Variants in BICRAL observed in about 807,000 individuals in gnomAD.
BICRAL encodes the protein BICRA like chromatin remodeling complex associated protein.
In BICRAL, 8 loss-of-function variants were observed where a neutral mutation model predicts 91.8. The ratio of observed to expected loss-of-function variants is 0.09; its 90% CI spans 0.05 to 0.16. The LOEUF (loss-of-function observed/expected upper bound fraction) is 0.16. Among genes scored for constraint, BICRAL ranks in the 10% least tolerant of loss-of-function variants. BICRAL has a pLI of 1.00. For missense variants in BICRAL, 1,038 were observed against 1,310.9 expected (o/e 0.79, Z 3.21); for synonymous variants, 445 against 491.1 (o/e 0.91, Z 1.24).
intron 6 of BICRAL, among the ~76,000 whole-genome samples, chr6:42,843,939 C>G (rs1764894388): frequency 6.7e-6 from 1 of 150,036 alleles, no homozygotes; most frequent in African/African-American, 2.4e-5. Flanking sequence ...GCTGGGATTA[C>G]AGGTGCGCGT....
chr6:42,789,658 AAT>A (rs1763211272), intron 1 of BICRAL, among the ~76,000 whole-genome samples: 1 of 150,776 alleles, frequency 6.6e-6, no homozygotes, highest in Non-Finnish European at 1.5e-5. Context: ...AAAAAAAAAG[AAT>A]GAACACTTAA....
chr6:42,757,495 A>G (rs1288225348), intron 1 of BICRAL, among the ~76,000 whole-genome samples: 1 of 152,066 alleles, frequency 6.6e-6, no homozygotes, highest in Non-Finnish European at 1.5e-5. Context: ...TTCGTGATCC[A>G]CCTGCCTCGG....
intron 1 of BICRAL, among the ~76,000 whole-genome samples, chr6:42,783,420 G>T (rs1431351196): frequency 2.0e-5 from 3 of 152,198 alleles, no homozygotes; most frequent in Non-Finnish European, 4.4e-5. Context: ...CCAAATGCGG[G>T]ATATTGGGTG....
chr6:42,756,401 T>A (rs1042171136), intron 1 of BICRAL, among the ~76,000 whole-genome samples: 7 of 152,122 alleles, frequency 4.6e-5, no homozygotes, highest in African/African-American at 1.7e-4. Context: ...AGGCCAGAAT[T>A]CTATTTCTTT....
chr6:42,818,998 C>T (rs1040544916), intron 2 of BICRAL, among the ~76,000 whole-genome samples: 2 of 152,180 alleles, frequency 1.3e-5, no homozygotes, highest in African/African-American at 4.8e-5. Context: ...CGACAAATCC[C>T]ACTGTCTAGT....
At chr6:42,807,075 C>A (rs1232392165) in intron 1 of BICRAL, among the ~76,000 whole-genome samples, 1 of 152,224 alleles carries the variant, frequency 6.6e-6, no homozygotes, top group Non-Finnish European at 1.5e-5. Context: ...AAGTGATCCA[C>A]CCGCCTCGGC....
chr6:42,806,823 A>G (rs1763720455), intron 1 of BICRAL, among the ~76,000 whole-genome samples: 1 of 149,124 alleles, frequency 6.7e-6, no homozygotes. Flanking sequence ...CTGGTATTTC[A>G]TGTTTGTTTG....
At chr6:42,748,024 G>C (rs916976755) in intron 1 of BICRAL, among the ~76,000 whole-genome samples, 2 of 150,896 alleles carry the variant, frequency 1.3e-5, no homozygotes, top group African/African-American at 4.9e-5. Context: ...GGCTCGTCTC[G>C]AACTCCCGAC....
At chr6:42,792,978 G>A (rs897187560) in intron 1 of BICRAL, among the ~76,000 whole-genome samples, 13 of 145,166 alleles carry the variant, frequency 9.0e-5, no homozygotes, top group African/African-American at 3.0e-4. Context: ...TTTTTGAGAT[G>A]GAATCTCACT....
intron 2 of BICRAL, among the ~76,000 whole-genome samples, chr6:42,814,365 A>G (rs1315162398): frequency 4.9e-5 from 7 of 143,920 alleles, no homozygotes; most frequent in Non-Finnish European, 7.5e-5. Context: ...ATACATACAC[A>G]TATGTATATG....
chr6:42,809,456 G>GTTTT (rs1763797016), intron 1 of BICRAL, among the ~76,000 whole-genome samples: 1 of 110,182 alleles, frequency 9.1e-6, no homozygotes. Context: ...TTTTTTTTGA[G>GTTTT]ACAGAGTTTC....
intron 1 of BICRAL, among the ~76,000 whole-genome samples, chr6:42,760,907 AGCTACTT>A (rs1562449418): frequency 6.6e-6 from 1 of 152,142 alleles, no homozygotes; most frequent in Non-Finnish European, 1.5e-5. Context: ...CTGTAATCCC[AGCTACTT>A]GGGAGGCTGA....
intron 2 of BICRAL, among the ~76,000 whole-genome samples, chr6:42,820,028 C>T (rs1235542827): frequency 1.3e-5 from 2 of 152,182 alleles, no homozygotes; most frequent in Admixed American, 6.5e-5. Flanking sequence ...GTTTGCACTA[C>T]TCAAGTAGTT....
chr6:42,781,921 G>A (rs1762920235), upstream of BICRAL: 1 of 718 alleles, frequency 1.4e-3, no homozygotes, highest in East Asian at 0.056. Context: ...GGCGCGGGGA[G>A]CGGCGCCCCG....
intron 1 of BICRAL, among the ~76,000 whole-genome samples, chr6:42,770,353 C>G (rs1762699328): frequency 1.3e-5 from 2 of 151,592 alleles, no homozygotes; most frequent in African/African-American, 4.8e-5. Context: ...CTCAGCTTCC[C>G]GAGTAGCTGG....
chr6:42,802,420 T>TG (rs752474833), intron 1 of BICRAL, among the ~76,000 whole-genome samples: 4 of 109,366 alleles, frequency 3.7e-5, no homozygotes, highest in East Asian at 2.7e-4. Context: ...CAGCTTTTCG[T>TG]GTTTTTTTTT....
rs894197312 is a variant in BICRAL at position 42,857,123 on chromosome 6, A to G, written c.2141A>G (p.His714Arg). Reference protein sequence around the residue: ...ILQQLQRDQAHTVTPDKSHFR... With the variant: ...ILQQLQRDQARTVTPDKSHFR... Reference sequence around the variant, plus strand: ...CAGCAGTTGCAGAGGGACCAAGCCCACACTGTGACACCAGACAAAAGTCAC... The same window carrying G: ...CAGCAGTTGCAGAGGGACCAAGCCCGCACTGTGACACCAGACAAAAGTCAC... The change falls in exon 10 of 13, where the codon CAC becomes CGC. Residue 714 changes from histidine to arginine, a missense_variant. This residue lies in a region of BICRAL where 532 missense variants were observed against 724.9 expected (regional missense o/e 0.73). Transcript: ENST00000314073. 4 of 1,613,666 alleles carry G rather than the reference A, an allele frequency of 2.5e-6. No homozygotes were observed. Among genetic ancestry groups the G allele is most frequent in the African/African-American group, 1.3e-5 (1 of 74,902 alleles).
rs143750239 is a variant in BICRAL, at chr6:42,802,781, A to G, written c.-101-7525A>G. On this transcript the variant is annotated intron_variant, in intron 1 of 12. Coordinates refer to ENST00000314073, the MANE Select transcript of BICRAL (RefSeq NM_001393499.1). ...TTTTTAATAGAGATGAGGTCTCACT[A>G]TGTTGCCCAGACTGGTCTTGAACTC... 5.9e-3 allele frequency among the ~76,000 whole-genome samples: 892 copies of G among 151,840 alleles called. 6 individuals are homozygous for G. The highest frequency in any genetic ancestry group is 0.018 in the African/African-American group (757 of 41,376).
At chr6:42,763,545 G>A (rs947991098) in intron 1 of BICRAL, among the ~76,000 whole-genome samples, 1 of 152,186 alleles carries the variant, frequency 6.6e-6, no homozygotes, top group African/African-American at 2.4e-5. Context: ...TTTCAGCTGG[G>A]TGCGGTGGCT....
Sources: gnomAD v4.1 joint callset for allele counts (sites outside exome capture counted in the v4.1 genomes callset) on GRCh38, gnomAD v4.1.1 for gene constraint, gnomAD v4.1.1 regional missense constraint, MANE v1.5 for transcripts, NCBI Gene and HGNC (gene_info 2026-07-23, HGNC 2026-07-21) for gene names.